The following PTDSS2 variants were observed in gnomAD, a reference collection of about 807,000 sequenced individuals.
The protein encoded by PTDSS2 is phosphatidylserine synthase 2, also known as PSS-2.
Under a neutral mutation model 64.7 loss-of-function variants are expected in PTDSS2, and 41 were observed. The ratio of observed to expected loss-of-function variants is 0.63; its 90% CI spans 0.49 to 0.82. The LOEUF is 0.82. Among genes scored for constraint, PTDSS2 ranks in the 40% least tolerant of loss-of-function variants. The probability of loss-of-function intolerance (pLI) is 0.00; values close to 1 mark genes in which losing one functional copy is unlikely to be tolerated. For missense variants in PTDSS2, 485 were observed against 650.0 expected (o/e 0.75, Z 2.76); for synonymous variants, 297 against 277.8 (o/e 1.07, Z -0.69).
intron 1 of PTDSS2, among the ~76,000 whole-genome samples, chr11:455,962 C>T (rs1007995763): frequency 6.6e-6 from 1 of 152,126 alleles, no homozygotes; most frequent in East Asian, 1.9e-4. Context: ...CTCCGGGCCC[C>T]ACCCCCCGCC....
intron 5 of PTDSS2, 96 bp from the exon 6 acceptor site, chr11:487,324 T>C: frequency 5.8e-6 from 7 of 1,200,334 alleles, no homozygotes; most frequent in Non-Finnish European, 8.7e-6. Context: ...CTTCCCGGGG[T>C]CTGGCAGGTG....
Position 490,731 on chromosome 11 carries a change from G to T in PTDSS2, c.*149G>T, listed in dbSNP as rs1016304936. On this transcript the variant is annotated 3_prime_UTR_variant, in exon 12 of 12. Transcript: ENST00000308020. ...CACCTGGCGAGGCTGAAGGCGAGGG[G>T]TGGAGGAGGCCCCAGCACAGCCTCA... The T allele has an allele frequency of 2.9e-5, 22 of 763,990 alleles. No individual in the cohort carries two copies. Among genetic ancestry groups the T allele is most frequent in the East Asian group, 2.4e-4 (9 of 37,132 alleles). The allele number at this position is 763,990 out of a possible 1,614,324, so 47.3% of individuals were successfully genotyped here.
At position 486,856 on chromosome 11, in the gene PTDSS2, A is replaced by AT. The variant is rs1383173575; in HGVS notation, c.436-83_436-82insT. The AT allele has an allele frequency of 1.1e-5, 16 of 1,496,948 alleles. No homozygotes were observed. The African/African-American group carries it at 2.5e-4, about 23-fold the overall frequency. 92.7% of individuals were successfully genotyped at this position (1,496,948 alleles called of 1,614,324 possible). On this transcript the variant is annotated intron_variant, in intron 4 of 11. Transcript: ENST00000308020. ...GAGCGAGACTCCATCTCAAAAAAAT[A>AT]AAATAAATAAACAACCATGATCTCC...
At chr11:458,441 G>A (rs34612778) in intron 1 of PTDSS2, among the ~76,000 whole-genome samples, 6 of 150,264 alleles carry the variant, frequency 4.0e-5, no homozygotes, top group Non-Finnish European at 7.4e-5. Context: ...TCCTGACCTC[G>A]TGATCCGCCC....
chr11:481,846 CTTT>C (rs577828521), intron 4 of PTDSS2, among the ~76,000 whole-genome samples: 2 of 140,586 alleles, frequency 1.4e-5, no homozygotes, highest in Admixed American at 7.2e-5. Context: ...TATTTCTTTT[CTTT>C]TTTTTTTTTT....
At position 460,480 on chromosome 11, in the gene PTDSS2, C is replaced by T. The variant is rs1209774581; in HGVS notation, c.284+192C>T. On this transcript the variant is annotated intron_variant, in intron 2 of 11. Transcript: ENST00000308020. This position sits in a 1 kb window ranked among gnomAD's most constrained non-coding sequence, Gnocchi z 5.8. ...TGCCCTTGGTGCTGCGTGGCGTTCC[C>T]GGTCAGCCCCCGTCGCCTGTCACTG... 25 of 563,066 alleles carry T rather than the reference C, an allele frequency of 4.4e-5. No individual in the cohort carries two copies. The highest frequency in any genetic ancestry group is 3.1e-5 in the Admixed American group (1 of 32,682). The allele number at this position is 563,066 out of a possible 1,614,324, so 34.9% of individuals were successfully genotyped here.
rs1846868526 is a variant in PTDSS2, at chr11:461,245, G to A, written c.284+957G>A. On this transcript the variant is annotated intron_variant, in intron 2 of 11. Transcript: ENST00000308020. The surrounding 1 kb of genome is among the most constrained non-coding windows in gnomAD (Gnocchi z 4.2). The stretch of plus-strand genomic sequence containing the variant: ...GTGACTGTTGGGTGGGGTGATGGGT[G>A]GGCATGGTGTGAACGTCATCACGCT... Among the ~76,000 whole-genome samples the A allele has an allele frequency of 6.6e-6, 1 of 152,220 alleles. No homozygotes were observed. Among genetic ancestry groups the A allele is most frequent in the Non-Finnish European group, 1.5e-5 (1 of 68,038 alleles).
chr11:482,656 A>C (rs1437116038), intron 4 of PTDSS2, among the ~76,000 whole-genome samples: 1 of 152,238 alleles, frequency 6.6e-6, no homozygotes, highest in Non-Finnish European at 1.5e-5. Context: ...GGGGAAAAGC[A>C]TCCAGTCTTT....
At chr11:487,152 C>A in intron 5 of PTDSS2, 79 bp downstream of exon 5, 1 of 1,319,788 alleles carries the variant, frequency 7.6e-7, no homozygotes, top group Non-Finnish European at 1.1e-6. Context: ...CACGCTCCTG[C>A]CTCGCACCCC....
intron 4 of PTDSS2, among the ~76,000 whole-genome samples, chr11:486,318 C>T (rs982142147): frequency 6.6e-6 from 1 of 152,160 alleles, no homozygotes; most frequent in African/African-American, 2.4e-5. Flanking sequence ...GGCGGCGCGC[C>T]GCAGTAACTC....
intron 11 of PTDSS2, 48 bp downstream of exon 11, chr11:490,116 G>A (rs759662686): frequency 1.4e-5 from 21 of 1,545,958 alleles, no homozygotes; most frequent in Middle Eastern, 3.5e-4. Flanking sequence ...CCGCTGTCCG[G>A]GTCCCTTGGC....
intron 4 of PTDSS2, among the ~76,000 whole-genome samples, chr11:483,038 G>T (rs1156514915): frequency 6.6e-5 from 6 of 90,824 alleles, no homozygotes; most frequent in Admixed American, 5.5e-4. Context: ...GTTTTTCGTA[G>T]ATCTCCCTAC....
At position 468,624 on chromosome 11, in the gene PTDSS2, C is replaced by T. The variant is rs547660596; in HGVS notation, c.285-5271C>T. Among the ~76,000 whole-genome samples, 5 of 152,326 alleles carry T rather than the reference C, an allele frequency of 3.3e-5. No homozygotes were observed. In the South Asian group the frequency reaches 8.3e-4, roughly 25 times the overall value. ...CCAGAGGCAAAAGGAATGGCACAGACGCTGCTCTAGTCGATAAAGTTTTGC... is the reference window on the plus strand; with the variant it reads ...CCAGAGGCAAAAGGAATGGCACAGATGCTGCTCTAGTCGATAAAGTTTTGC... On this transcript the variant is annotated intron_variant, in intron 2 of 11. Coordinates refer to ENST00000308020, the MANE Select transcript of PTDSS2 (RefSeq NM_030783.3).
intron 2 of PTDSS2, among the ~76,000 whole-genome samples, chr11:467,308 CAG>C (rs1272667950): frequency 1.2e-4 from 18 of 152,276 alleles, no homozygotes; most frequent in Middle Eastern, 3.4e-3. Flanking sequence ...GAACTGGAAA[CAG>C]GGAGACGCCA....
intron 1 of PTDSS2, among the ~76,000 whole-genome samples, chr11:454,246 C>A (rs756913513): frequency 1.2e-4 from 19 of 152,186 alleles, no homozygotes; most frequent in Non-Finnish European, 2.6e-4. Context: ...CTCTGCCTCC[C>A]TTCCTGTTGG....
At chr11:485,156 A>C (rs1475447858) in intron 4 of PTDSS2, among the ~76,000 whole-genome samples, 1 of 103,022 alleles carries the variant, frequency 9.7e-6, no homozygotes, top group Non-Finnish European at 1.9e-5. Context: ...GTGTAAGTGC[A>C]CGGGCGTGTG....
rs1847994186 is a variant in PTDSS2, at chr11:479,950, C to T, written c.435+798C>T. Reference sequence around the variant, plus strand: ...TTTTTTATCATCGTGGCAAAATTGACTTTTCTGAGGCAGTGTACATTCTGT... The same window carrying T: ...TTTTTTATCATCGTGGCAAAATTGATTTTTCTGAGGCAGTGTACATTCTGT... On this transcript the variant is annotated intron_variant, in intron 4 of 11. Transcript: ENST00000308020. The surrounding 1 kb of genome is among the most constrained non-coding windows in gnomAD (Gnocchi z 4.2). Among the ~76,000 whole-genome samples, 2 of 152,176 alleles carry T rather than the reference C, an allele frequency of 1.3e-5. No individual in the cohort carries two copies. Among genetic ancestry groups the T allele is most frequent in the Admixed American group, 6.5e-5 (1 of 15,280 alleles).
chr11:490,241 A>C (rs1254597220), intron 11 of PTDSS2, among the ~76,000 whole-genome samples, 173 bp downstream of exon 11: 1 of 152,086 alleles, frequency 6.6e-6, no homozygotes, highest in African/African-American at 2.4e-5. Flanking sequence ...TTCGCTCTGC[A>C]CTGACAGATC....
Position 460,625 on chromosome 11 carries a change from G to T in PTDSS2, c.284+337G>T. 1 of 236,080 alleles carries T rather than the reference G, an allele frequency of 4.2e-6. No homozygotes were observed. The highest frequency in any genetic ancestry group is 8.4e-6 in the Non-Finnish European group (1 of 118,690). The allele number at this position is 236,080 out of a possible 1,614,324, so 14.6% of individuals were successfully genotyped here. ...CTACAGGGCTGAGCCCTTGAGTTTGGGCGTCTCCGGGGGTGAGGTTCCTGC... is the reference window on the plus strand; with the variant it reads ...CTACAGGGCTGAGCCCTTGAGTTTGTGCGTCTCCGGGGGTGAGGTTCCTGC... On this transcript the variant is annotated intron_variant, in intron 2 of 11. Transcript: ENST00000308020. The surrounding 1 kb of genome is among the most constrained non-coding windows in gnomAD (Gnocchi z 5.8).
Sources: gnomAD v4.1 joint callset for allele counts (sites outside exome capture counted in the v4.1 genomes callset) on GRCh38, gnomAD v4.1.1 for gene constraint, Gnocchi (gnomAD v3.1) non-coding constraint, MANE v1.5 for transcripts, NCBI Gene and HGNC (gene_info 2026-07-23, HGNC 2026-07-21) for gene names.